The following CENPH variants were observed in gnomAD, a reference collection of about 807,000 sequenced individuals.
CENPH encodes centromere protein H, also known as CENP-H.
A neutral mutation model predicts 42.9 loss-of-function variants in CENPH; 40 were observed. The ratio of observed to expected loss-of-function variants is 0.93; its 90% CI spans 0.72 to 1.21. CENPH has a LOEUF of 1.21. Ranked by LOEUF, CENPH falls within the 50% of genes most tolerant of loss-of-function variation. The pLI, the probability that CENPH is intolerant of heterozygous loss-of-function variation, is 0.00. For synonymous variants in CENPH, 88 were observed against 96.5 expected, an observed-to-expected ratio of 0.91 and a Z score of 0.52; for missense variants, 302 against 292.9, an observed-to-expected ratio of 1.03 and a Z score of -0.23.
In CENPH at chr5:69,197,040, T is replaced by C; in HGVS notation, c.315-13T>C. On this transcript the variant is annotated splice_polypyrimidine_tract_variant and intron_variant, in intron 4 of 8. Coordinates refer to ENST00000283006, the MANE Select transcript of CENPH (RefSeq NM_022909.4). ...ATCCATGTTTTATAATGCAAGCTTTTTCCCTCTCATAGGATGAGACTTTCA... is the reference window on the plus strand; with the variant it reads ...ATCCATGTTTTATAATGCAAGCTTTCTCCCTCTCATAGGATGAGACTTTCA... The C allele has an allele frequency of 6.5e-7, 1 of 1,537,566 alleles. No homozygotes were observed. Among genetic ancestry groups the C allele is most frequent in the South Asian group, 1.3e-5 (1 of 79,968 alleles).
At position 69,208,547 on chromosome 5, in the gene CENPH, C is replaced by T. The variant is rs548003077; in HGVS notation, c.651+188C>T. 1.0e-3 allele frequency among the ~76,000 whole-genome samples: 158 copies of T among 151,912 alleles called. 7 individuals carry two copies. The South Asian group carries it at 0.032, about 31-fold the overall frequency. On this transcript the variant is annotated intron_variant, in intron 8 of 8. Coordinates refer to ENST00000283006, the MANE Select transcript of CENPH (RefSeq NM_022909.4). Reference sequence around the variant, plus strand: ...CTAATTTTTTAATTTTTAGTAGAGACGGGGTTTCACCATGTTGGCTAGGCT... The same window carrying T: ...CTAATTTTTTAATTTTTAGTAGAGATGGGGTTTCACCATGTTGGCTAGGCT...
Position 69,189,706 on chromosome 5 carries a change from G to A in CENPH, c.72G>A (p.Gly24=). 6.4e-7 allele frequency: 1 copy of A among 1,572,948 alleles called. No homozygotes were observed. Among genetic ancestry groups the A allele is most frequent in the Non-Finnish European group, 8.6e-7 (1 of 1,162,436 alleles). Residue 24 remains glycine (G), a synonymous_variant, in exon 1 of 9, where the codon GGG becomes GGA. Coordinates refer to ENST00000283006, the MANE Select transcript of CENPH (RefSeq NM_022909.4). Reference sequence around the variant, plus strand: ...CCGGAGGGGAAGGCCGGGCAGGCGGGCCACCGCAGGTCGCCGGCGCCCAGG... The same window carrying A: ...CCGGAGGGGAAGGCCGGGCAGGCGGACCACCGCAGGTCGCCGGCGCCCAGG... The part of the protein sequence containing the change: ...ADSGGEGRAG[G]PPQVAGAQAA...
Position 69,202,786 on chromosome 5 carries a change from T to C in CENPH, c.436-133T>C, listed in dbSNP as rs1448606324. The C allele has an allele frequency of 4.7e-6, 3 of 645,150 alleles. No homozygotes were observed. In the East Asian group the frequency reaches 8.7e-5, roughly 19 times the overall value. 40.0% of individuals were successfully genotyped at this position (645,150 alleles called of 1,614,324 possible). Reference sequence around the variant, plus strand: ...ATTTAAGTTACTGTCTTCCTTTTGCTGTCTGGAAATAGAGGAATTGAAAAC... The same window carrying C: ...ATTTAAGTTACTGTCTTCCTTTTGCCGTCTGGAAATAGAGGAATTGAAAAC... On this transcript the variant is annotated intron_variant, in intron 6 of 8. Transcript: ENST00000283006.
intron 7 of CENPH, among the ~76,000 whole-genome samples, chr5:69,203,879 A>T (rs1473686468): frequency 1.3e-5 from 2 of 150,526 alleles, no homozygotes; most frequent in Non-Finnish European, 3.0e-5. Flanking sequence ...AGTAAATTAT[A>T]ATGCAAAAGT....
intron 1 of CENPH, 144 bp downstream of exon 1, chr5:69,189,912 C>T (rs2112077830): frequency 3.1e-6 from 3 of 963,016 alleles, no homozygotes; most frequent in East Asian, 3.1e-5. Context: ...ACTGTTGAAG[C>T]TCTTTCTTCA....
chr5:69,209,685 A>C (rs922647316), intron 8 of CENPH, 22 bp from the exon 9 acceptor site: 2 of 1,324,900 alleles, frequency 1.5e-6, no homozygotes, highest in Non-Finnish European at 2.1e-6. Context: ...TGTAACTTTA[A>C]AACAATTTTT....
intron 2 of CENPH, among the ~76,000 whole-genome samples, chr5:69,193,051 C>A (rs1040809853): frequency 2.6e-5 from 4 of 151,804 alleles, no homozygotes; most frequent in Admixed American, 6.6e-5. Context: ...GACGCGAGAT[C>A]ACGCCATTGC....
chr5:69,195,801 A>G lies in CENPH; in HGVS notation c.314+10A>G. On this transcript the variant is annotated intron_variant, in intron 4 of 8. Transcript: ENST00000283006. ...AGCTTGCATTAGACAGGTAATTATT[A>G]CATTTTAAATATAAGCATTGTGAAC... 1 of 1,356,322 alleles carries G rather than the reference A, an allele frequency of 7.4e-7. No homozygotes were observed. Among genetic ancestry groups the G allele is most frequent in the South Asian group, 1.3e-5 (1 of 79,854 alleles). 84.0% of individuals were successfully genotyped at this position (1,356,322 alleles called of 1,614,324 possible). A position where few individuals can be genotyped will look rare whatever the true frequency, so the allele number is the denominator to read the frequency against.
At chr5:69,205,063 C>T (rs977678755) in intron 7 of CENPH, among the ~76,000 whole-genome samples, 4 of 151,164 alleles carry the variant, frequency 2.6e-5, no homozygotes, top group Middle Eastern at 3.2e-3. Flanking sequence ...GGACTACAGG[C>T]ACCCGCCACC....
chr5:69,198,893 T>C (rs1172126367), intron 5 of CENPH, among the ~76,000 whole-genome samples: 1 of 151,984 alleles, frequency 6.6e-6, no homozygotes, highest in Non-Finnish European at 1.5e-5. Flanking sequence ...TGCAGTAAGC[T>C]GTGATCTTGC....
intron 7 of CENPH, among the ~76,000 whole-genome samples, chr5:69,204,893 C>A (rs1296833161): frequency 6.8e-6 from 1 of 147,234 alleles, no homozygotes; most frequent in East Asian, 2.0e-4. Context: ...TATGAGCCAT[C>A]GCACCCAGCC....
rs750390802 is a variant in CENPH at position 69,209,719 on chromosome 5, G to A, written c.664G>A (p.Gly222Arg). 6 of 1,587,964 alleles carry A rather than the reference G, an allele frequency of 3.8e-6. No homozygotes were observed. The highest frequency in any genetic ancestry group is 3.4e-6 in the Non-Finnish European group (4 of 1,161,412). The stretch of plus-strand genomic sequence containing the variant: ...TTTTTCTTTACAGAACCTTATTTTG[G>A]GGAGTAAAGTCAATTGGGCAGAGGA... ...IQHVFQNLIL[G>R]SKVNWAEDPA... The change falls in exon 9 of 9, where the codon GGG becomes AGG. Residue 222 changes from glycine to arginine, a missense_variant. Coordinates refer to ENST00000283006, the MANE Select transcript of CENPH (RefSeq NM_022909.4).
chr5:69,202,896 A>T, intron 6 of CENPH, 23 bp from the exon 7 acceptor site: 1 of 1,450,710 alleles, frequency 6.9e-7, no homozygotes, highest in Non-Finnish European at 9.6e-7. Flanking sequence ...AATGTGCTTT[A>T]ACTTTTTTAT....
At chr5:69,193,963 T>C (rs896354246) in intron 2 of CENPH, among the ~76,000 whole-genome samples, 1 of 152,160 alleles carries the variant, frequency 6.6e-6, no homozygotes, top group Admixed American at 6.5e-5. Flanking sequence ...CACACGTGGC[T>C]TTTTAAAGCT....
At chr5:69,196,522 G>A (rs943134099) in intron 4 of CENPH, among the ~76,000 whole-genome samples, 1 of 152,094 alleles carries the variant, frequency 6.6e-6, no homozygotes. Context: ...GTGTGTGCCT[G>A]TAATCCCAGC....
At chr5:69,207,180 G>A (rs939433065) in intron 7 of CENPH, among the ~76,000 whole-genome samples, 4 of 151,938 alleles carry the variant, frequency 2.6e-5, no homozygotes, top group African/African-American at 9.7e-5. Context: ...TCCCTGGAGA[G>A]GGGAATCTTA....
chr5:69,205,191 T>A (rs1404951379), intron 7 of CENPH, among the ~76,000 whole-genome samples: 13 of 152,046 alleles, frequency 8.6e-5, no homozygotes, highest in Admixed American at 7.2e-4. Flanking sequence ...GTGCTGGGAT[T>A]ACAGGCATGA....
intron 7 of CENPH, among the ~76,000 whole-genome samples, chr5:69,205,046 G>A (rs1486458938): frequency 6.6e-6 from 1 of 150,888 alleles, no homozygotes; most frequent in African/African-American, 2.4e-5. Flanking sequence ...AGCCTTCTGA[G>A]TAGCTGGGAC....
rs543372759 is a variant in CENPH, at chr5:69,193,785, A to G, written c.191-862A>G. Among the ~76,000 whole-genome samples the G allele has an allele frequency of 3.3e-5, 5 of 149,660 alleles. No individual in the cohort carries two copies. In the South Asian group the frequency reaches 1.1e-3, roughly 31 times the overall value. On this transcript the variant is annotated intron_variant, in intron 2 of 8. Transcript: ENST00000283006. ...CACTGCCTCAGCCTCTCAAGTAGCC[A>G]GGATTACAGGCACCTGCCACCATGG...
Sources: allele counts gnomAD v4.1 joint callset (sites outside exome capture counted in the v4.1 genomes callset), GRCh38; gene constraint gnomAD v4.1.1; transcripts MANE v1.5; gene names NCBI Gene and HGNC (gene_info 2026-07-23, HGNC 2026-07-21).